Variants in PCNX1 observed in about 807,000 individuals in gnomAD.
The protein encoded by PCNX1 is pecanex-like protein 1.
PCNX1 carries 78 observed loss-of-function variants against 242.2 expected under a neutral mutation model. That is an observed-to-expected ratio of 0.32 (90% CI 0.27 to 0.39). PCNX1 has a LOEUF of 0.39. Ranked by LOEUF, PCNX1 falls within the 10% of genes least tolerant of loss-of-function variation. PCNX1 has a pLI of 1.00. For synonymous variants in PCNX1, 1,024 were observed against 1,032.9 expected (o/e 0.99, Z 0.17); for missense variants, 2,581 against 2,856.5 (o/e 0.90, Z 2.20).
At chr14:70,925,568 C>CTTTTTT (rs71305848) in intron 1 of PCNX1, among the ~76,000 whole-genome samples, 13 of 106,908 alleles carry the variant, frequency 1.2e-4, no homozygotes, top group African/African-American at 1.9e-4. Context: ...CTTACCTCAT[C>CTTTTTT]TTTTTTTTTT....
chr14:71,100,965 C>G (rs2062447011), intron 30 of PCNX1, among the ~76,000 whole-genome samples: 1 of 152,092 alleles, frequency 6.6e-6, no homozygotes, highest in Non-Finnish European at 1.5e-5. Context: ...ACCTACTTGA[C>G]AAGATTGTTG....
At chr14:71,009,589 T>C (rs1207222125) in intron 8 of PCNX1, 45 bp from the exon 9 acceptor site, 1 of 1,132,126 alleles carries the variant, frequency 8.8e-7, no homozygotes, top group Non-Finnish European at 1.3e-6. Context: ...AAGGAAAAAT[T>C]CTGAGTATTC....
chr14:71,007,835 T>A (rs2059709247), intron 8 of PCNX1, among the ~76,000 whole-genome samples: 1 of 152,114 alleles, frequency 6.6e-6, no homozygotes, highest in South Asian at 2.1e-4. Context: ...CCTACCACTT[T>A]AAAAAAACTT....
intron 7 of PCNX1, among the ~76,000 whole-genome samples, chr14:70,993,552 T>C (rs557550322): frequency 1.3e-5 from 2 of 152,334 alleles, no homozygotes; most frequent in East Asian, 1.9e-4. Context: ...TTATGCATTG[T>C]CTAATATCTT....
intron 1 of PCNX1, among the ~76,000 whole-genome samples, chr14:70,944,771 T>C (rs1048944529): frequency 6.6e-6 from 1 of 152,276 alleles, no homozygotes; most frequent in South Asian, 2.1e-4. Context: ...GATAATTGAA[T>C]GATGGGGGCA....
intron 19 of PCNX1, among the ~76,000 whole-genome samples, chr14:71,039,199 G>A (rs1245798737): frequency 2.0e-5 from 3 of 151,040 alleles, no homozygotes; most frequent in African/African-American, 2.4e-5. Context: ...ATGTGCACAC[G>A]TACCCTAAAA....
At chr14:71,097,994 TC>T (rs773507212) in intron 30 of PCNX1, among the ~76,000 whole-genome samples, 21 of 152,236 alleles carry the variant, frequency 1.4e-4, no homozygotes, top group Non-Finnish European at 2.5e-4. Flanking sequence ...GTTTCATTCT[TC>T]TGCATATGGC....
Position 70,961,595 on chromosome 14 carries a change from G to A in PCNX1, c.363-631G>A, listed in dbSNP as rs79411744. 5.9e-5 allele frequency among the ~76,000 whole-genome samples: 9 copies of A among 152,100 alleles called. No homozygotes were observed. In the East Asian group the frequency reaches 1.7e-3, roughly 29 times the overall value. Reference sequence around the variant, plus strand: ...TTTCTCTTTTTTGTCTTTCTGTATCGTTACTACATAGCATCACTTTCTTTT... The same window carrying A: ...TTTCTCTTTTTTGTCTTTCTGTATCATTACTACATAGCATCACTTTCTTTT... On this transcript the variant is annotated intron_variant, in intron 2 of 35. Transcript: ENST00000304743.
chr14:70,977,745 C>T lies in PCNX1; in HGVS notation c.1408C>T (p.Pro470Ser), dbSNP rs982978212. ...CAGTGGGGTTCACGAGGCCAAGGACCCCACCCCCTCTGATGAGATGCACAA... is the reference window on the plus strand; with the variant it reads ...CAGTGGGGTTCACGAGGCCAAGGACTCCACCCCCTCTGATGAGATGCACAA... ...TNSGVHEAKD[P>S]TPSDEMHNQR... is the part of the protein sequence containing the mutation. The change falls in exon 6 of 36, where the codon CCC (proline) becomes TCC (serine). Residue 470 changes from proline to serine, a missense_variant. Transcript: ENST00000304743. 1 of 1,613,970 alleles carries T rather than the reference C, an allele frequency of 6.2e-7. No individual in the cohort carries two copies. The highest frequency in any genetic ancestry group is 2.2e-5 in the East Asian group (1 of 44,842).
In PCNX1 at chr14:71,045,239, A is replaced by C; in HGVS notation, c.3974A>C (p.His1325Pro). The C allele has an allele frequency of 4.3e-6, 7 of 1,613,382 alleles. No homozygotes were observed. The highest frequency in any genetic ancestry group is 5.1e-6 in the Non-Finnish European group (6 of 1,179,432). ...RKQLPWHCFS[H>P]PLLKTLEYNQ... ...CAGCTACCATGGCACTGTTTCTCTC[A>C]TCCTCTGCTAAAGACACTAGAGTAT... is the stretch of plus-strand genomic sequence containing the variant. The change falls in exon 20 of 36, where the codon CAT (histidine) becomes CCT (proline). Residue 1325 changes from histidine to proline, a missense_variant. Transcript: ENST00000304743.
intron 6 of PCNX1, among the ~76,000 whole-genome samples, chr14:70,980,608 A>G (rs1189976684): frequency 6.6e-6 from 1 of 152,096 alleles, no homozygotes; most frequent in Non-Finnish European, 1.5e-5. Flanking sequence ...AACTAAATAT[A>G]GGGGTTTTGT....
At chr14:70,914,150 G>A (rs73289999) in intron 1 of PCNX1, among the ~76,000 whole-genome samples, 4,722 of 152,260 alleles carry the variant, frequency 0.031, 216 homozygotes, top group African/African-American at 0.11. Context: ...GATACCCACA[G>A]ATACAAAGAA....
intron 24 of PCNX1, 150 bp downstream of exon 24, chr14:71,052,162 A>G (rs1361506223): frequency 5.1e-6 from 3 of 586,032 alleles, no homozygotes; most frequent in Non-Finnish European, 8.5e-6. Context: ...TTAAAATTTG[A>G]AAAGTATATA....
intron 7 of PCNX1, among the ~76,000 whole-genome samples, chr14:70,993,792 A>T (rs2059244263): frequency 1.3e-5 from 2 of 152,128 alleles, no homozygotes; most frequent in African/African-American, 4.8e-5. Flanking sequence ...TACTACTTAA[A>T]CATTTTTTTC....
chr14:70,951,564 G>A (rs112906584), intron 2 of PCNX1, among the ~76,000 whole-genome samples: 39 of 151,962 alleles, frequency 2.6e-4, no homozygotes, highest in Admixed American at 6.6e-4. Context: ...TAGTAGAGAC[G>A]GGGTTTCATC....
intron 5 of PCNX1, among the ~76,000 whole-genome samples, chr14:70,971,067 T>C (rs1038283343): frequency 2.0e-5 from 3 of 151,618 alleles, no homozygotes; most frequent in Admixed American, 2.0e-4. Flanking sequence ...AATTCAAATC[T>C]AGTTTTGAAT....
rs540010886 is a variant in PCNX1, at chr14:71,015,544, C to G, written c.2996+2342C>G. 1.7e-4 allele frequency among the ~76,000 whole-genome samples: 26 copies of G among 152,140 alleles called. No individual in the cohort carries two copies. The East Asian group carries it at 5.0e-3, about 29-fold the overall frequency. On this transcript the variant is annotated intron_variant, in intron 11 of 35. Coordinates refer to ENST00000304743, the MANE Select transcript of PCNX1 (RefSeq NM_014982.3). Reference sequence around the variant, plus strand: ...CCCTAGGCTGGACGCCGTGGTAATCCCAGCACTTTGGGAGGCAGAGGCAGG... The same window carrying G: ...CCCTAGGCTGGACGCCGTGGTAATCGCAGCACTTTGGGAGGCAGAGGCAGG...
At chr14:71,034,723 C>A (rs544920786) in intron 18 of PCNX1, among the ~76,000 whole-genome samples, 2 of 152,168 alleles carry the variant, frequency 1.3e-5, no homozygotes, top group Non-Finnish European at 1.5e-5. Flanking sequence ...GACACATTTA[C>A]TTTCAGTGCA....
intron 1 of PCNX1, among the ~76,000 whole-genome samples, chr14:70,913,384 T>C (rs1414717709): frequency 6.6e-6 from 1 of 152,144 alleles, no homozygotes; most frequent in Non-Finnish European, 1.5e-5. Flanking sequence ...AAAAATCAAA[T>C]ATAAAATTAC....
Sources: gnomAD v4.1 joint callset for allele counts (sites outside exome capture counted in the v4.1 genomes callset) on GRCh38, gnomAD v4.1.1 for gene constraint, MANE v1.5 for transcripts, NCBI Gene and HGNC (gene_info 2026-07-23, HGNC 2026-07-21) for gene names.